Variants in NDUFAF2 observed in about 807,000 individuals in gnomAD.
The protein encoded by NDUFAF2 is NADH:ubiquinone oxidoreductase complex assembly factor 2.
Under a neutral mutation model 22.8 loss-of-function variants are expected in NDUFAF2, and 13 were observed. The observed-to-expected ratio is 0.57, with a 90% CI of 0.37 to 0.91. The LOEUF is 0.91. Ranked by LOEUF, NDUFAF2 falls within the 40% of genes least tolerant of loss-of-function variation. The pLI is 0.01. For synonymous variants in NDUFAF2, 53 were observed against 64.2 expected, an observed-to-expected ratio of 0.83 and a Z score of 0.84; for missense variants, 162 against 195.2, an observed-to-expected ratio of 0.83 and a Z score of 1.01.
chr5:60,949,363 G>A (rs1360238966), intron 1 of NDUFAF2, among the ~76,000 whole-genome samples: 7 of 152,072 alleles, frequency 4.6e-5, no homozygotes, highest in African/African-American at 1.4e-4. Context: ...GATTCATTAC[G>A]TATATCAGTA....
chr5:60,964,463 T>C (rs1750728982), intron 1 of NDUFAF2, among the ~76,000 whole-genome samples: 1 of 151,882 alleles, frequency 6.6e-6, no homozygotes, highest in South Asian at 2.1e-4. Context: ...TTTTTTTTTT[T>C]TTTTGGAGAC....
At position 60,945,395 on chromosome 5, in the gene NDUFAF2, C is replaced by T. The variant is rs764483984; in HGVS notation, c.127+13C>T. 14 of 1,614,138 alleles carry T rather than the reference C, an allele frequency of 8.7e-6. No individual in the cohort carries two copies. The Middle Eastern group carries it at 4.9e-4, about 57-fold the overall frequency. ...AAGAACTGGAGAGGTGAGGTGGCGG[C>T]GTGGGCAGCGATTGCGTGGTCAGTG... On this transcript the variant is annotated intron_variant, in intron 1 of 3. Transcript: ENST00000296597.
intron 1 of NDUFAF2, among the ~76,000 whole-genome samples, chr5:60,975,558 T>A (rs1209676409): frequency 6.6e-6 from 1 of 152,192 alleles, no homozygotes; most frequent in Non-Finnish European, 1.5e-5. Context: ...CAATAGATGG[T>A]ATTTAAAAGC....
intron 1 of NDUFAF2, among the ~76,000 whole-genome samples, chr5:60,947,385 C>T (rs1186948697): frequency 6.6e-6 from 1 of 152,006 alleles, no homozygotes; most frequent in Non-Finnish European, 1.5e-5. Context: ...TTTCCTAATG[C>T]CTGAGGATGT....
intron 3 of NDUFAF2, among the ~76,000 whole-genome samples, chr5:61,100,693 G>T (rs944955111): frequency 6.6e-6 from 1 of 152,064 alleles, no homozygotes; most frequent in South Asian, 2.1e-4. Context: ...ATCCGTCTGT[G>T]CCTGCAAGAT....
At chr5:61,111,368 T>C (rs1472579435) in intron 3 of NDUFAF2, among the ~76,000 whole-genome samples, 1 of 152,192 alleles carries the variant, frequency 6.6e-6, no homozygotes, top group African/African-American at 2.4e-5. Context: ...TGTTTCTTTG[T>C]TGATTTTCTG....
intron 2 of NDUFAF2, among the ~76,000 whole-genome samples, chr5:61,074,840 G>A (rs1205392868): frequency 6.6e-6 from 1 of 152,146 alleles, no homozygotes; most frequent in African/African-American, 2.4e-5. Flanking sequence ...TCACAGCTCC[G>A]CATAGCTGGG....
chr5:60,985,574 T>C (rs983189088), intron 1 of NDUFAF2, among the ~76,000 whole-genome samples: 1 of 152,212 alleles, frequency 6.6e-6, no homozygotes, highest in Non-Finnish European at 1.5e-5. Flanking sequence ...AAATGTGTCC[T>C]GGAGATTCTG....
intron 1 of NDUFAF2, among the ~76,000 whole-genome samples, chr5:61,014,256 C>T (rs571087080): frequency 2.0e-5 from 3 of 152,302 alleles, no homozygotes; most frequent in Non-Finnish European, 2.9e-5. Flanking sequence ...CCGTGAAAAC[C>T]CCTAAATGGC....
At chr5:61,100,724 TG>T (rs1197246690) in intron 3 of NDUFAF2, among the ~76,000 whole-genome samples, 1 of 152,134 alleles carries the variant, frequency 6.6e-6, no homozygotes, top group East Asian at 1.9e-4. Context: ...TTTTTTTCCT[TG>T]AAGTAAGTTG....
chr5:60,956,111 G>A (rs749372770), intron 1 of NDUFAF2, among the ~76,000 whole-genome samples: 9 of 152,004 alleles, frequency 5.9e-5, no homozygotes, highest in Non-Finnish European at 1.3e-4. Flanking sequence ...ATGTTGCCCA[G>A]GCTGGTTTTA....
intron 1 of NDUFAF2, among the ~76,000 whole-genome samples, chr5:61,028,662 G>T (rs1184259167): frequency 6.6e-6 from 1 of 152,014 alleles, no homozygotes; most frequent in African/African-American, 2.4e-5. Flanking sequence ...TAAACATCCT[G>T]TACAAATATC....
In NDUFAF2 at chr5:61,079,982, A is replaced by G. The variant is rs147920937; in HGVS notation, c.217+6768A>G. Among the ~76,000 whole-genome samples the G allele has an allele frequency of 2.6e-4, 40 of 152,112 alleles. 2 individuals carry two copies. Among genetic ancestry groups the G allele is most frequent in the Admixed American group, 9.2e-4 (14 of 15,286 alleles). On this transcript the variant is annotated intron_variant, in intron 2 of 3. Coordinates refer to ENST00000296597, the MANE Select transcript of NDUFAF2 (RefSeq NM_174889.5). ...TGAGACCACTGTGTTTCATTATTCAATGTCCATTGTTTTGAAGATTGTTGT... is the reference window on the plus strand; with the variant it reads ...TGAGACCACTGTGTTTCATTATTCAGTGTCCATTGTTTTGAAGATTGTTGT...
At chr5:60,976,583 C>T (rs1277487066) in intron 1 of NDUFAF2, among the ~76,000 whole-genome samples, 1 of 152,116 alleles carries the variant, frequency 6.6e-6, no homozygotes, top group East Asian at 1.9e-4. Context: ...TGGCCTGTCT[C>T]TTAAGCAGTA....
intron 1 of NDUFAF2, among the ~76,000 whole-genome samples, chr5:61,036,450 C>T (rs537168424): frequency 6.6e-6 from 1 of 152,272 alleles, no homozygotes; most frequent in Non-Finnish European, 1.5e-5. Context: ...ATTGCCTATT[C>T]CTAGTGTTAT....
At chr5:61,000,148 TTGTCAGTATTAAAAA>T (rs1209085619) in intron 1 of NDUFAF2, among the ~76,000 whole-genome samples, 3 of 152,104 alleles carry the variant, frequency 2.0e-5, no homozygotes, top group Non-Finnish European at 4.4e-5. Flanking sequence ...ACTATGGAAT[TTGTCAGTATTAAAAA>T]TGTACTAATC....
chr5:61,051,463 T>G (rs1752022994), intron 1 of NDUFAF2, among the ~76,000 whole-genome samples: 1 of 152,206 alleles, frequency 6.6e-6, no homozygotes, highest in Non-Finnish European at 1.5e-5. Flanking sequence ...CATCTTGGTA[T>G]GCCTCCAGGA....
In NDUFAF2 at chr5:60,962,998, G is replaced by T. The variant is rs186719941; in HGVS notation, c.127+17616G>T. Among the ~76,000 whole-genome samples, 16 of 151,918 alleles carry T rather than the reference G, an allele frequency of 1.1e-4. 3 individuals are homozygous for T. The East Asian group carries it at 3.2e-3, about 30-fold the overall frequency. On this transcript the variant is annotated intron_variant, in intron 1 of 3. Transcript: ENST00000296597. ...CCTTCCAGGTTCAAGTCATTCTCCT[G>T]CCTCAGCTTCCCGAGTAGTTGGAAC...
intron 1 of NDUFAF2, among the ~76,000 whole-genome samples, chr5:61,065,352 T>C (rs1752214978): frequency 6.6e-6 from 1 of 152,110 alleles, no homozygotes; most frequent in African/African-American, 2.4e-5. Flanking sequence ...GCATATTTTA[T>C]GAGGTCAGCA....
Sources: gnomAD v4.1 joint callset for allele counts (sites outside exome capture counted in the v4.1 genomes callset) on GRCh38, gnomAD v4.1.1 for gene constraint, MANE v1.5 for transcripts, NCBI Gene and HGNC (gene_info 2026-07-23, HGNC 2026-07-21) for gene names.